RPS26: variants seen among roughly 807,000 people sequenced by gnomAD.
The protein encoded by RPS26 is ribosomal protein S26.
In RPS26, 1 loss-of-function variant was observed where a neutral mutation model predicts 14.7. That is an observed-to-expected ratio of 0.07 (90% CI 0.02 to 0.32). The LOEUF is 0.32. Among genes scored for constraint, RPS26 ranks in the 10% least tolerant of loss-of-function variants. The pLI is 1.00. For synonymous variants in RPS26, 59 were observed against 53.1 expected (o/e 1.11, Z -0.48); for missense variants, 63 against 157.7 (o/e 0.40, Z 3.22).
rs771196681 is a variant in RPS26 at position 56,042,463 on chromosome 12, C to G, written c.42C>G (p.Gly14=). The G allele has an allele frequency of 5.0e-6, 8 of 1,613,084 alleles. No homozygotes were observed. Among genetic ancestry groups the G allele is most frequent in the Non-Finnish European group, 6.8e-6 (8 of 1,179,520 alleles). The part of the protein sequence containing the change: ...KRRNNGRAKK[G]RGHVQPIRCT... ...GGAACAATGGTCGTGCCAAAAAGGG[C>G]CGCGGCCACGTGCAGCCTATTCGCT... is the stretch of plus-strand genomic sequence containing the variant. Residue 14 remains glycine, a synonymous_variant, in exon 2 of 4, where the codon GGC becomes GGG. Coordinates refer to ENST00000646449, the MANE Select transcript of RPS26 (RefSeq NM_001029.5).
In RPS26 at chr12:56,044,257, G is replaced by T. The variant is rs1895933080; in HGVS notation, c.*103G>T. 2.1e-6 allele frequency: 2 copies of T among 934,090 alleles called. No individual in the cohort carries two copies. Among genetic ancestry groups the T allele is most frequent in the Non-Finnish European group, 3.5e-6 (2 of 578,356 alleles). 57.9% of individuals were successfully genotyped at this position (934,090 alleles called of 1,614,324 possible). A position where few individuals can be genotyped will look rare whatever the true frequency, so the allele number is the denominator to read the frequency against. ...GTTAAGTGTATCTGTGCCAGATAAG[G>T]TGGGGATTTTGTGTGTTAGACCAAG... On this transcript the variant is annotated 3_prime_UTR_variant, in exon 4 of 4. Coordinates refer to ENST00000646449, the MANE Select transcript of RPS26 (RefSeq NM_001029.5).
chr12:56,043,442 A>C lies in RPS26; in HGVS notation c.261A>C (p.Arg87=). 1 of 1,613,292 alleles carries C rather than the reference A, an allele frequency of 6.2e-7. No individual in the cohort carries two copies. The highest frequency in any genetic ancestry group is 1.1e-5 in the South Asian group (1 of 91,052). ...TTCACAGCAAAGTAGTCAGGAATCG[A>C]TCTCGTGAAGCCCGCAAGGACCGAA... is the stretch of plus-strand genomic sequence containing the variant. ...CAIHSKVVRN[R]SREARKDRTP... The change falls in exon 3 of 4, where the codon CGA becomes CGC. Residue 87 remains arginine, a synonymous_variant. Transcript: ENST00000646449.
Position 56,042,439 on chromosome 12 carries a change from G to T in RPS26, c.18G>T (p.Arg6Ser). The change falls in exon 2 of 4, where the codon AGG becomes AGT. Residue 6 changes from arginine (R) to serine (S), a missense_variant. By Grantham distance (110) the Arg-to-Ser change is moderately radical. Coordinates refer to ENST00000646449, the MANE Select transcript of RPS26 (RefSeq NM_001029.5). Reference protein sequence around the residue: MTKKRRNNGRAKKGRG... With the variant: MTKKRSNNGRAKKGRG... ...TCCTGTCGCAGACAAAGAAAAGAAG[G>T]AACAATGGTCGTGCCAAAAAGGGCC... The T allele has an allele frequency of 6.2e-7, 1 of 1,613,980 alleles. No individual in the cohort carries two copies. The highest frequency in any genetic ancestry group is 8.5e-7 in the Non-Finnish European group (1 of 1,179,954).
chr12:56,042,687 C>A (rs1233402388), intron 2 of RPS26, 85 bp downstream of exon 2: 4 of 1,121,454 alleles, frequency 3.6e-6, no homozygotes, highest in African/African-American at 3.0e-5. Flanking sequence ...AGGCTCTGTT[C>A]TTTGGAGCCT....
At chr12:56,042,682 CTG>C in intron 2 of RPS26, 80 bp downstream of exon 2, 1 of 1,217,958 alleles carries the variant, frequency 8.2e-7, no homozygotes, top group Non-Finnish European at 1.2e-6. Context: ...TTTGGAGGCT[CTG>C]TTCTTTGGAG....
chr12:56,043,038 G>A (rs1485607220), intron 2 of RPS26: 9 of 402,006 alleles, frequency 2.2e-5, no homozygotes, highest in Middle Eastern at 7.9e-4. Context: ...TATAGAAAGA[G>A]CAAGGTTCAG....
intron 2 of RPS26, 50 bp downstream of exon 2, chr12:56,042,652 CCTTCGCCCAA>C (rs1328001622): frequency 7.9e-6 from 12 of 1,520,700 alleles, no homozygotes; most frequent in Admixed American, 1.7e-5. Context: ...TATCTTAAAG[CCTTCGCCCAA>C]CTTCGCCCTT....
At chr12:56,044,048 C>A in intron 3 of RPS26, 71 bp from the exon 4 acceptor site, 2 of 1,319,218 alleles carry the variant, frequency 1.5e-6, no homozygotes, top group South Asian at 2.4e-5. Context: ...GGATGGTGGT[C>A]AAGTTCTTTG....
rs553788274 is a variant in RPS26 at position 56,043,850 on chromosome 12, G to T, written c.313-269G>T. ...AGTTGCTTCCTCCTGTGGTGCAGGG[G>T]GTATCAAATTAAGGTCTGTGCCTCA... On this transcript the variant is annotated intron_variant, in intron 3 of 3. Transcript: ENST00000646449. 4.6e-5 allele frequency among the ~76,000 whole-genome samples: 7 copies of T among 152,092 alleles called. No homozygotes were observed. The South Asian group carries it at 6.2e-4, about 14-fold the overall frequency.
chr12:56,044,022 A>G, intron 3 of RPS26, 97 bp from the exon 4 acceptor site: 1 of 1,003,808 alleles, frequency 1.0e-6, no homozygotes, highest in Non-Finnish European at 1.6e-6. Context: ...TAGCCTGAAT[A>G]CATCAGTTTG....
intron 2 of RPS26, 73 bp downstream of exon 2, chr12:56,042,675 G>A: frequency 7.6e-7 from 1 of 1,320,740 alleles, no homozygotes; most frequent in Non-Finnish European, 1.1e-6. Flanking sequence ...TCGCCCTTTT[G>A]GAGGCTCTGT....
In RPS26 at chr12:56,042,418, G is replaced by A; in HGVS notation, c.4-7G>A. ...GTTTTCCTAACAGTTTTCCCATCCT[G>A]TCGCAGACAAAGAAAAGAAGGAACA... On this transcript the variant is annotated splice_region_variant and splice_polypyrimidine_tract_variant and intron_variant, in intron 1 of 3. Coordinates refer to ENST00000646449, the MANE Select transcript of RPS26 (RefSeq NM_001029.5). 1 of 1,614,008 alleles carries A rather than the reference G, an allele frequency of 6.2e-7. No homozygotes were observed. Among genetic ancestry groups the A allele is most frequent in the Non-Finnish European group, 8.5e-7 (1 of 1,179,892 alleles).
chr12:56,043,969 A>T, intron 3 of RPS26, 150 bp from the exon 4 acceptor site: 1 of 794,836 alleles, frequency 1.3e-6, no homozygotes, highest in Non-Finnish European at 2.3e-6. Flanking sequence ...TAGGATGCAG[A>T]GTAGTGTTCT....
chr12:56,042,777 C>T, intron 2 of RPS26, 175 bp downstream of exon 2: 1 of 687,474 alleles, frequency 1.5e-6, no homozygotes, highest in South Asian at 1.6e-5. Flanking sequence ...CTTTTCTGGG[C>T]AGAGGGTGAC....
In RPS26 at chr12:56,041,979, C is replaced by A; in HGVS notation, c.-188C>A. ...GCACTTTGTTCCATGGATAAATAAACACTAGGAACGCATTTCCACCCTAGA... is the reference window on the plus strand; with the variant it reads ...GCACTTTGTTCCATGGATAAATAAAAACTAGGAACGCATTTCCACCCTAGA... On this transcript the variant is annotated 5_prime_UTR_variant, in exon 1 of 4. Coordinates refer to ENST00000646449, the MANE Select transcript of RPS26 (RefSeq NM_001029.5). 1.4e-6 allele frequency: 1 copy of A among 692,712 alleles called. No individual in the cohort carries two copies. The allele number at this position is 692,712 out of a possible 1,614,324, so 42.9% of individuals were successfully genotyped here.
chr12:56,044,208 T>C lies in RPS26; in HGVS notation c.*54T>C, dbSNP rs1895932720. Reference sequence around the variant, plus strand: ...GGCTATTCTCTGGAGAAAAATAAAATGGAAATTGTACTTAATATTGCATGT... The same window carrying C: ...GGCTATTCTCTGGAGAAAAATAAAACGGAAATTGTACTTAATATTGCATGT... On this transcript the variant is annotated 3_prime_UTR_variant, in exon 4 of 4. Transcript: ENST00000646449. 1.5e-6 allele frequency: 2 copies of C among 1,375,678 alleles called. No homozygotes were observed. Among genetic ancestry groups the C allele is most frequent in the Non-Finnish European group, 2.1e-6 (2 of 964,740 alleles). The allele number at this position is 1,375,678 out of a possible 1,614,324, so 85.2% of individuals were successfully genotyped here. A position where few individuals can be genotyped will look rare whatever the true frequency, so the allele number is the denominator to read the frequency against.
chr12:56,043,204 G>A (rs548408191), intron 2 of RPS26, 159 bp from the exon 3 acceptor site: 2 of 678,242 alleles, frequency 2.9e-6, no homozygotes, highest in African/African-American at 1.8e-5. Context: ...CTCAGGTATT[G>A]GGCTGAACAG....
chr12:56,043,274 A>G (rs1045893324), intron 2 of RPS26, 89 bp from the exon 3 acceptor site: 4 of 1,282,050 alleles, frequency 3.1e-6, no homozygotes, highest in Non-Finnish European at 4.5e-6. Context: ...GTTTTAATTG[A>G]CGTAAACATG....
At chr12:56,042,683 T>C in intron 2 of RPS26, 81 bp downstream of exon 2, 2 of 1,165,880 alleles carry the variant, frequency 1.7e-6, no homozygotes, top group African/African-American at 1.5e-5. Context: ...TTGGAGGCTC[T>C]GTTCTTTGGA....
Sources: gnomAD v4.1 joint callset for allele counts (sites outside exome capture counted in the v4.1 genomes callset) on GRCh38, gnomAD v4.1.1 for gene constraint, MANE v1.5 for transcripts, NCBI Gene and HGNC (gene_info 2026-07-23, HGNC 2026-07-21) for gene names.